Variants in BUB1B observed in about 807,000 individuals in gnomAD.
BUB1B encodes BUB1 mitotic checkpoint serine/threonine kinase B.
Under a neutral mutation model 137.7 loss-of-function variants are expected in BUB1B, and 86 were observed. The ratio of observed to expected loss-of-function variants is 0.62; its 90% CI spans 0.52 to 0.75. BUB1B has a LOEUF of 0.75. Ranked by LOEUF, BUB1B falls within the 30% of genes least tolerant of loss-of-function variation. The pLI, the probability that BUB1B is intolerant of heterozygous loss-of-function variation, is 0.00. For missense variants in BUB1B, 1,130 were observed against 1,236.9 expected (o/e 0.91, Z 1.30); for synonymous variants, 420 against 417.9 (o/e 1.00, Z -0.06).
intron 12 of BUB1B, 101 bp from the exon 13 acceptor site, chr15:40,202,304 T>G: frequency 2.8e-6 from 3 of 1,055,172 alleles, no homozygotes; most frequent in Non-Finnish European, 4.3e-6. Context: ...CAGGTTGCCT[T>G]CCTGCTTTCA....
At chr15:40,181,942 G>A (rs2037299186) in intron 5 of BUB1B, among the ~76,000 whole-genome samples, 2 of 152,186 alleles carry the variant, frequency 1.3e-5, no homozygotes, top group Admixed American at 6.5e-5. Context: ...AGTGGCTCAC[G>A]CCTGTAATCC....
intron 20 of BUB1B, among the ~76,000 whole-genome samples, chr15:40,217,236 G>A (rs978237274): frequency 5.3e-5 from 8 of 152,200 alleles, no homozygotes; most frequent in Admixed American, 3.3e-4. Flanking sequence ...TATATAATAT[G>A]GAAGCTTGAT....
intron 5 of BUB1B, among the ~76,000 whole-genome samples, chr15:40,180,642 CTTTTTTTTT>C (rs71132149): frequency 9.7e-4 from 64 of 65,870 alleles, no homozygotes; most frequent in African/African-American, 1.4e-3. Context: ...TTTTCTTTTT[CTTTTTTTTT>C]TTTTTTTTTT....
chr15:40,200,374 G>A lies in BUB1B; in HGVS notation c.1517+15G>A. On this transcript the variant is annotated intron_variant, in intron 11 of 22. Transcript: ENST00000287598. ...TGTTGTGCCAGGTAAGACTACATAG[G>A]TGGAAGGGACAATGCATATAGGAGG... 6.3e-7 allele frequency: 1 copy of A among 1,597,774 alleles called. No individual in the cohort carries two copies. The highest frequency in any genetic ancestry group is 8.6e-7 in the Non-Finnish European group (1 of 1,165,680).
At chr15:40,165,863 T>A (rs545696844) in intron 2 of BUB1B, among the ~76,000 whole-genome samples, 67 of 152,146 alleles carry the variant, frequency 4.4e-4, no homozygotes, top group Non-Finnish European at 7.6e-4. Context: ...TTTTTTTTTT[T>A]TTTTAATATG....
rs781600621 is a variant in BUB1B, at chr15:40,220,619, G to A, written c.3013G>A (p.Asp1005Asn). 6 of 1,614,216 alleles carry A rather than the reference G, an allele frequency of 3.7e-6. No homozygotes were observed. The highest frequency in any genetic ancestry group is 8.5e-7 in the Non-Finnish European group (1 of 1,180,030). Residue 1005 changes from aspartate (D) to asparagine (N), a missense_variant, in exon 23 of 23, where the codon GAT becomes AAT. Transcript: ENST00000287598. Reference sequence around the variant, plus strand: ...CTTTGTGCGGATTCTGAATGCCAATGATGAGGCCACAGTGTCTGTTCTTGG... The same window carrying A: ...CTTTGTGCGGATTCTGAATGCCAATAATGAGGCCACAGTGTCTGTTCTTGG... ...KFFVRILNAN[D>N]EATVSVLGEL...
intron 5 of BUB1B, among the ~76,000 whole-genome samples, chr15:40,178,259 C>G (rs2037244844): frequency 6.6e-6 from 1 of 151,924 alleles, no homozygotes; most frequent in Non-Finnish European, 1.5e-5. Flanking sequence ...TTGTGATATA[C>G]TGTATTTTCA....
intron 16 of BUB1B, among the ~76,000 whole-genome samples, chr15:40,209,018 A>G (rs1016708128): frequency 6.6e-6 from 1 of 152,016 alleles, no homozygotes; most frequent in Non-Finnish European, 1.5e-5. Context: ...CATGTTGCCC[A>G]GGCTGGTCTC....
chr15:40,201,916 A>G (rs953664223), intron 12 of BUB1B, among the ~76,000 whole-genome samples: 1 of 152,028 alleles, frequency 6.6e-6, no homozygotes, highest in Non-Finnish European at 1.5e-5. Context: ...TGATCCGCCC[A>G]CCATGGCCTC....
At chr15:40,161,323 T>G (rs577120547) in intron 1 of BUB1B, 68 bp downstream of exon 1, 102 of 1,550,254 alleles carry the variant, frequency 6.6e-5, no homozygotes, top group Non-Finnish European at 5.7e-5. Context: ...AATAGAAGGC[T>G]CCGCTCGGAG....
chr15:40,213,085 A>G (rs1005734360), intron 19 of BUB1B, among the ~76,000 whole-genome samples: 1 of 152,172 alleles, frequency 6.6e-6, no homozygotes, highest in African/African-American at 2.4e-5. Context: ...AAATCCATTT[A>G]TTAAGTACCT....
At chr15:40,176,428 A>G (rs756960066) in intron 4 of BUB1B, 49 bp from the exon 5 acceptor site, 14 of 1,543,150 alleles carry the variant, frequency 9.1e-6, no homozygotes, top group Middle Eastern at 1.7e-4. Flanking sequence ...ACTAATAGGC[A>G]TTCAATACGT....
chr15:40,219,556 C>G (rs989409739), intron 22 of BUB1B, among the ~76,000 whole-genome samples: 4 of 151,980 alleles, frequency 2.6e-5, no homozygotes, highest in African/African-American at 9.7e-5. Flanking sequence ...TGTCTCTACT[C>G]AAAATACAAG....
chr15:40,197,263 A>G (rs180698057), intron 9 of BUB1B, among the ~76,000 whole-genome samples: 47 of 152,300 alleles, frequency 3.1e-4, no homozygotes, highest in African/African-American at 1.1e-3. Context: ...GATTTAGATT[A>G]TAGATATTCG....
rs181190612 is a variant in BUB1B, at chr15:40,188,294, C to T, written c.1058+2652C>T. On this transcript the variant is annotated intron_variant, in intron 8 of 22. Transcript: ENST00000287598. ...AACTGACCTCGTGATCTGCCTGTCT[C>T]GGCCTCCCAAAGTGCTGGGATTACA... Among the ~76,000 whole-genome samples the T allele has an allele frequency of 3.3e-3, 495 of 152,238 alleles. 3 individuals carry two copies. The highest frequency in any genetic ancestry group is 0.012 in the African/African-American group (479 of 41,550).
chr15:40,181,042 T>C (rs925315011), intron 5 of BUB1B, among the ~76,000 whole-genome samples: 5 of 152,156 alleles, frequency 3.3e-5, no homozygotes, highest in African/African-American at 1.2e-4. Context: ...CAAGATTTTT[T>C]CTTGTTTAGT....
intron 8 of BUB1B, among the ~76,000 whole-genome samples, chr15:40,195,548 G>A (rs957832438): frequency 4.6e-5 from 7 of 152,268 alleles, no homozygotes; most frequent in Admixed American, 3.3e-4. Context: ...GTTCCTTAAG[G>A]AATCTCCGTA....
At chr15:40,186,706 A>G (rs1480698192) in intron 8 of BUB1B, among the ~76,000 whole-genome samples, 1 of 151,534 alleles carries the variant, frequency 6.6e-6, no homozygotes, top group Non-Finnish European at 1.5e-5. Context: ...TGGCCTCCCA[A>G]AGTGCTGGAA....
At chr15:40,178,324 A>G (rs186915800) in intron 5 of BUB1B, among the ~76,000 whole-genome samples, 5 of 152,174 alleles carry the variant, frequency 3.3e-5, no homozygotes, top group Non-Finnish European at 7.4e-5. Context: ...CTTTTGACCC[A>G]TGAGTTACTT....
Sources: allele counts gnomAD v4.1 joint callset (sites outside exome capture counted in the v4.1 genomes callset), GRCh38; gene constraint gnomAD v4.1.1; transcripts MANE v1.5; gene names NCBI Gene and HGNC (gene_info 2026-07-23, HGNC 2026-07-21).